Variants in ANOS1 observed in about 807,000 individuals in gnomAD.
ANOS1 encodes the protein anosmin 1.
ANOS1 carries 6 observed loss-of-function variants against 59.0 expected under a neutral mutation model. The observed-to-expected ratio is 0.10, with a 90% confidence interval of 0.06 to 0.20. The LOEUF (loss-of-function observed/expected upper bound fraction) is 0.20, where lower values mean the gene tolerates loss of function less well. Among genes scored for constraint, ANOS1 ranks in the 10% least tolerant of loss-of-function variants. The probability of loss-of-function intolerance (pLI) is 1.00; values close to 1 mark genes in which losing one functional copy is unlikely to be tolerated. For synonymous variants in ANOS1, 217 were observed against 223.4 expected (o/e 0.97, Z 0.25); for missense variants, 433 against 542.3 (o/e 0.80, Z 2.00).
intron 7 of ANOS1, among the ~76,000 whole-genome samples, chrX:8,568,667 C>CA (rs763403615): frequency 3.7e-5 from 4 of 108,796 alleles, no homozygotes; most frequent in African/African-American, 6.7e-5. Context: ...ACTGTCTCTA[C>CA]AAAAAAAATT....
intron 3 of ANOS1, among the ~76,000 whole-genome samples, chrX:8,604,413 T>C (rs1193876324): frequency 8.9e-6 from 1 of 112,476 alleles, no homozygotes; most frequent in East Asian, 2.8e-4. Context: ...CTAATTTGTG[T>C]TCAGTTATTA....
intron 3 of ANOS1, among the ~76,000 whole-genome samples, chrX:8,621,293 G>C (rs775645048): frequency 1.8e-5 from 2 of 109,382 alleles, no homozygotes; most frequent in Admixed American, 2.0e-4. Flanking sequence ...TTGAACCCAG[G>C]AGGTGGAGGG....
chrX:8,694,358 G>C (rs1025225852), intron 2 of ANOS1, among the ~76,000 whole-genome samples: 2 of 112,619 alleles, frequency 1.8e-5, no homozygotes, highest in East Asian at 5.6e-4. Flanking sequence ...TAAGAGAAAG[G>C]TTAATGAAAA....
At chrX:8,654,192 C>T (rs1024549560) in intron 2 of ANOS1, among the ~76,000 whole-genome samples, 1 of 111,863 alleles carries the variant, frequency 8.9e-6, no homozygotes, top group Non-Finnish European at 1.9e-5. Flanking sequence ...GGTCTTATGT[C>T]TCCCATAGGT....
chrX:8,647,697 A>C (rs1367825812), intron 2 of ANOS1, among the ~76,000 whole-genome samples: 2 of 111,993 alleles, frequency 1.8e-5, no homozygotes, highest in Non-Finnish European at 3.8e-5. Flanking sequence ...CAGCTTAGAA[A>C]CTATTTTAGA....
intron 3 of ANOS1, among the ~76,000 whole-genome samples, chrX:8,611,609 C>T (rs1220473086): frequency 1.8e-5 from 2 of 110,427 alleles, no homozygotes; most frequent in Non-Finnish European, 3.8e-5. Flanking sequence ...TTAAAAGATA[C>T]TTTATATATA....
rs772876523 is a variant in ANOS1 at position 8,643,063 on chromosome X, T to C, written c.256-19393A>G. ...AGAAACTGTTAGACAGCAATTACAT[T>C]AACTTAAGGTTTATGAGTCAATTGA... On this transcript the variant is annotated intron_variant, in intron 2 of 13. Transcript: ENST00000262648. Among the ~76,000 whole-genome samples, 22 of 112,059 alleles carry C rather than the reference T, an allele frequency of 2.0e-4. No individual in the cohort carries two copies. In the East Asian group the frequency reaches 3.1e-3, roughly 16 times the overall value.
chrX:8,697,673 G>A (rs1038095730), intron 2 of ANOS1, among the ~76,000 whole-genome samples: 11 of 111,947 alleles, frequency 9.8e-5, no homozygotes, highest in Admixed American at 7.6e-4. Flanking sequence ...ATACATCATC[G>A]GAAAATTGTA....
intron 12 of ANOS1, 127 bp from the exon 13 acceptor site, chrX:8,534,587 T>C: frequency 1.5e-6 from 1 of 646,867 alleles, no homozygotes. Flanking sequence ...TTGGTTGCTT[T>C]GTAAAGGCAT....
At chrX:8,602,900 A>T (rs971033218) in intron 3 of ANOS1, among the ~76,000 whole-genome samples, 39 of 110,846 alleles carry the variant, frequency 3.5e-4, no homozygotes, top group Admixed American at 3.5e-3. Context: ...CACCATGTCC[A>T]GCTAATTTTT....
At chrX:8,651,898 G>A (rs1931856132) in intron 2 of ANOS1, among the ~76,000 whole-genome samples, 1 of 111,755 alleles carries the variant, frequency 8.9e-6, no homozygotes, top group Non-Finnish European at 1.9e-5. Context: ...GAAGTCGTTG[G>A]CACTGGCCTG....
intron 9 of ANOS1, among the ~76,000 whole-genome samples, chrX:8,540,605 T>C (rs1385770550): frequency 9.1e-6 from 1 of 109,715 alleles, no homozygotes; most frequent in East Asian, 2.9e-4. Flanking sequence ...ATCACCCCAG[T>C]GTGTCCGAGG....
In ANOS1 at chrX:8,536,889, A is replaced by G. The variant is rs921094216; in HGVS notation, c.1503T>C (p.Thr501=). 8.3e-7 allele frequency: 1 copy of G among 1,206,883 alleles called. No individual in the cohort carries two copies. Among genetic ancestry groups the G allele is most frequent in the Non-Finnish European group, 1.1e-6 (1 of 892,594 alleles). The change falls in exon 11 of 14, where the codon ACT becomes ACC. Residue 501 remains threonine, a synonymous_variant. Coordinates refer to ENST00000262648, the MANE Select transcript of ANOS1 (RefSeq NM_000216.4). ...DLSFSCKYKV[T]VQPIRPKSHS... ...GACTTTTTGGCCGTATTGGTTGGAC[A>G]GTCACCTTATACTTGCAGGAAAATG...
chrX:8,537,028 C>T lies in ANOS1; in HGVS notation c.1450-86G>A. 1.2e-5 allele frequency: 10 copies of T among 826,334 alleles called. No homozygotes were observed. In the South Asian group the frequency reaches 2.2e-4, roughly 18 times the overall value. The allele number at this position is 826,334 out of a possible 1,213,427, so 68.1% of individuals were successfully genotyped here. A position where few individuals can be genotyped will look rare whatever the true frequency, so the allele number is the denominator to read the frequency against. On this transcript the variant is annotated intron_variant, in intron 10 of 13. Transcript: ENST00000262648. ...GGCAAGAATTGAAATCATATTCCAT[C>T]CAACAAGGATGTTTTCCTATATAGT... is the stretch of plus-strand genomic sequence containing the variant.
At chrX:8,573,134 G>A (rs905983004) in intron 6 of ANOS1, among the ~76,000 whole-genome samples, 7 of 101,837 alleles carry the variant, frequency 6.9e-5, no homozygotes, top group Non-Finnish European at 9.8e-5. Context: ...ATCTTGGCTC[G>A]CTGCAACCTC....
intron 3 of ANOS1, 67 bp from the exon 4 acceptor site, chrX:8,597,323 C>A: frequency 1.0e-6 from 1 of 956,824 alleles, no homozygotes; most frequent in Non-Finnish European, 1.5e-6. Flanking sequence ...TCCAAGACAT[C>A]TGAAAGGAAG....
chrX:8,597,001 A>C, intron 4 of ANOS1, 33 bp downstream of exon 4: 4 of 1,210,548 alleles, frequency 3.3e-6, no homozygotes, highest in Non-Finnish European at 4.5e-6. Flanking sequence ...GTGACACTGC[A>C]TGTGTCTTCA....
At chrX:8,567,800 A>G (rs901987883) in intron 8 of ANOS1, among the ~76,000 whole-genome samples, 1 of 110,831 alleles carries the variant, frequency 9.0e-6, no homozygotes, top group African/African-American at 3.3e-5. Flanking sequence ...TCTCAAAAAT[A>G]CCAAACAAAA....
Position 8,732,056 on chromosome X carries a change from G to T in ANOS1, c.-20C>A. ...CACCATGGCTGCGGGTCGAGGGCGAGGGCGAGGGCGCCGGGCGCGGGCCGA... is the reference window on the plus strand; with the variant it reads ...CACCATGGCTGCGGGTCGAGGGCGATGGCGAGGGCGCCGGGCGCGGGCCGA... On this transcript the variant is annotated 5_prime_UTR_variant, in exon 1 of 14. Transcript: ENST00000262648. 1 of 926,412 alleles carries T rather than the reference G, an allele frequency of 1.1e-6. No homozygotes were observed. The allele number at this position is 926,412 out of a possible 1,213,427, so 76.3% of individuals were successfully genotyped here. A position where few individuals can be genotyped will look rare whatever the true frequency, so the allele number is the denominator to read the frequency against.
Sources: allele counts gnomAD v4.1 joint callset (sites outside exome capture counted in the v4.1 genomes callset), GRCh38; gene constraint gnomAD v4.1.1; transcripts MANE v1.5; gene names NCBI Gene and HGNC (gene_info 2026-07-23, HGNC 2026-07-21).